CTNNA3: variants seen among roughly 807,000 people sequenced by gnomAD.
CTNNA3 encodes the protein catenin alpha-3.
Under a neutral mutation model 95.7 loss-of-function variants are expected in CTNNA3, and 76 were observed. The ratio of observed to expected loss-of-function variants is 0.79; its 90% CI spans 0.66 to 0.96. CTNNA3 has a LOEUF of 0.96. Among genes scored for constraint, CTNNA3 ranks in the 40% least tolerant of loss-of-function variants. CTNNA3 has a pLI of 0.00. For missense variants in CTNNA3, 1,191 were observed against 1,089.8 expected (o/e 1.09, Z -1.31); for synonymous variants, 431 against 374.4 (o/e 1.15, Z -1.74).
intron 6 of CTNNA3, among the ~76,000 whole-genome samples, chr10:67,189,140 A>AAT (rs1212674653): frequency 8.6e-6 from 1 of 115,908 alleles, no homozygotes; most frequent in Admixed American, 7.5e-5. Flanking sequence ...CAACAACAAC[A>AAT]ACAAAAAAAA....
In CTNNA3 at chr10:67,219,663, T is replaced by C. The variant is rs749275132; in HGVS notation, c.787A>G (p.Thr263Ala). 15 of 1,614,046 alleles carry C rather than the reference T, an allele frequency of 9.3e-6. No homozygotes were observed. Among genetic ancestry groups the C allele is most frequent in the Non-Finnish European group, 1.3e-5 (15 of 1,180,022 alleles). ...GCTGCCTGAGGTTCTGGTGGGGTTGTCATATTCTGGATCCCTTGTGAAGCA... is the reference window on the plus strand; with the variant it reads ...GCTGCCTGAGGTTCTGGTGGGGTTGCCATATTCTGGATCCCTTGTGAAGCA... ...SNASQGIQNMTTPPEPQAATL... is the reference protein window; with the variant it reads ...SNASQGIQNMATPPEPQAATL... Residue 263 changes from threonine (T) to alanine (A), a missense_variant, in exon 6 of 18, where the codon ACA becomes GCA. Transcript: ENST00000433211.
intron 10 of CTNNA3, among the ~76,000 whole-genome samples, chr10:66,550,838 G>T (rs531206558): frequency 2.0e-4 from 30 of 150,962 alleles, no homozygotes; most frequent in Non-Finnish European, 4.1e-4. Context: ...TTGTTCTAGA[G>T]ATTACAATAT....
chr10:67,202,078 A>ATT (rs1320093836), intron 6 of CTNNA3, among the ~76,000 whole-genome samples: 16 of 152,310 alleles, frequency 1.1e-4, no homozygotes, highest in African/African-American at 3.8e-4. Flanking sequence ...TTCATCAAAA[A>ATT]TTTCTTTTTA....
At chr10:67,184,613 AT>A (rs899103111) in intron 6 of CTNNA3, among the ~76,000 whole-genome samples, 2 of 152,116 alleles carry the variant, frequency 1.3e-5, no homozygotes, top group Non-Finnish European at 2.9e-5. Context: ...AACAAGATTA[AT>A]TTTTTTCCCA....
chr10:66,593,894 T>C (rs977358943), intron 10 of CTNNA3, among the ~76,000 whole-genome samples: 1 of 152,102 alleles, frequency 6.6e-6, no homozygotes, highest in Non-Finnish European at 1.5e-5. Flanking sequence ...CTAGGCCTCA[T>C]TGCTTTCCTT....
At chr10:67,051,798 A>G in intron 7 of CTNNA3, among the ~76,000 whole-genome samples, 1 of 150,712 alleles carries the variant, frequency 6.6e-6, no homozygotes, top group Non-Finnish European at 1.5e-5. Flanking sequence ...TCTCTCTCCC[A>G]GGCTGGAGTG....
chr10:66,842,558 G>A (rs1381982359), intron 7 of CTNNA3, among the ~76,000 whole-genome samples: 1 of 152,238 alleles, frequency 6.6e-6, no homozygotes, highest in East Asian at 1.9e-4. Flanking sequence ...AAGTAGAGAA[G>A]AACTTAATTG....
chr10:66,755,735 G>A (rs1163357439), intron 9 of CTNNA3, among the ~76,000 whole-genome samples: 1 of 152,012 alleles, frequency 6.6e-6, no homozygotes, highest in Non-Finnish European at 1.5e-5. Context: ...CAGTCTAAAC[G>A]TTGCCAGTCC....
intron 5 of CTNNA3, among the ~76,000 whole-genome samples, chr10:67,488,857 A>G (rs1046231882): frequency 6.6e-6 from 1 of 151,846 alleles, no homozygotes; most frequent in African/African-American, 2.4e-5. Flanking sequence ...TTTAGTAGAG[A>G]CAGGGTTTTG....
chr10:67,493,561 C>CAAA (rs61570165), intron 5 of CTNNA3, among the ~76,000 whole-genome samples: 1 of 94,150 alleles, frequency 1.1e-5, no homozygotes, highest in South Asian at 3.3e-4. Context: ...GACTCTGTCT[C>CAAA]AAAAAAAAAA....
At chr10:67,108,138 T>A (rs1589748399) in intron 7 of CTNNA3, among the ~76,000 whole-genome samples, 2 of 152,364 alleles carry the variant, frequency 1.3e-5, no homozygotes, top group South Asian at 4.1e-4. Context: ...GAGTGAAATA[T>A]TTTTAATTTA....
chr10:67,646,104 T>G (rs889008321), intron 2 of CTNNA3, among the ~76,000 whole-genome samples: 3 of 150,556 alleles, frequency 2.0e-5, no homozygotes, highest in Non-Finnish European at 4.4e-5. Flanking sequence ...ATTATGAGTG[T>G]TTTTATTCTT....
intron 5 of CTNNA3, among the ~76,000 whole-genome samples, chr10:67,430,709 A>C (rs1233012769): frequency 6.6e-6 from 1 of 151,730 alleles, no homozygotes; most frequent in Non-Finnish European, 1.5e-5. Context: ...CAGGTGTGAA[A>C]CATCCTTTAA....
intron 10 of CTNNA3, among the ~76,000 whole-genome samples, chr10:66,573,183 T>G (rs1168541772): frequency 6.6e-6 from 1 of 152,194 alleles, no homozygotes; most frequent in Non-Finnish European, 1.5e-5. Context: ...TGTGATATAT[T>G]TTTCTCAAAA....
chr10:67,488,409 G>T (rs10997658), intron 5 of CTNNA3, among the ~76,000 whole-genome samples: 10,408 of 152,148 alleles, frequency 0.068, 433 homozygotes, highest in South Asian at 0.14. Context: ...TGCTCTTGTT[G>T]CCCAGGCTGG....
intron 16 of CTNNA3, among the ~76,000 whole-genome samples, chr10:65,980,758 T>C (rs890739500): frequency 6.6e-6 from 1 of 151,916 alleles, no homozygotes; most frequent in Non-Finnish European, 1.5e-5. Context: ...ATCATCTCAA[T>C]AGACACAGAA....
At chr10:67,711,569 A>ATTTCTTTT (rs148168392) in intron 1 of CTNNA3, among the ~76,000 whole-genome samples, 18,695 of 141,118 alleles carry the variant, frequency 0.13, 1,712 homozygotes, top group African/African-American at 0.28. Flanking sequence ...GGCAGAAGAA[A>ATTTCTTTT]TTTATTTATT....
At chr10:66,619,153 T>C (rs373866692) in intron 10 of CTNNA3, among the ~76,000 whole-genome samples, 3 of 151,114 alleles carry the variant, frequency 2.0e-5, no homozygotes, top group Non-Finnish European at 3.0e-5. Flanking sequence ...GTCAGTGTGG[T>C]GATTCCTCAG....
At chr10:66,666,802 G>T (rs1564605708) in intron 9 of CTNNA3, among the ~76,000 whole-genome samples, 1 of 95,828 alleles carries the variant, frequency 1.0e-5, no homozygotes, top group African/African-American at 4.8e-5. Context: ...GGTTCTTGGG[G>T]AAAAAAAACT....
Sources: allele counts gnomAD v4.1 joint callset (sites outside exome capture counted in the v4.1 genomes callset), GRCh38; gene constraint gnomAD v4.1.1; transcripts MANE v1.5; gene names NCBI Gene and HGNC (gene_info 2026-07-23, HGNC 2026-07-21).